ZEB1: variants seen among roughly 807,000 people sequenced by gnomAD.
The protein encoded by ZEB1 is zinc finger E-box-binding homeobox 1.
A neutral mutation model predicts 84.9 loss-of-function variants in ZEB1; 21 were observed. The ratio of observed to expected loss-of-function variants is 0.25; its 90% confidence interval spans 0.18 to 0.36. ZEB1 has a LOEUF of 0.36. Ranked by LOEUF, ZEB1 falls within the 10% of genes least tolerant of loss-of-function variation. The probability of loss-of-function intolerance (pLI) is 1.00; values close to 1 mark genes in which losing one functional copy is unlikely to be tolerated. For missense variants in ZEB1, 1,104 were observed against 1,330.2 expected, an observed-to-expected ratio of 0.83 and a Z score of 2.65; for synonymous variants, 420 against 471.1, an observed-to-expected ratio of 0.89 and a Z score of 1.41.
chr10:31,448,894 G>T (rs895594884), intron 1 of ZEB1, among the ~76,000 whole-genome samples: 8 of 152,336 alleles, frequency 5.3e-5, no homozygotes, highest in African/African-American at 1.9e-4. Flanking sequence ...CCCAGAGGTG[G>T]AGCCTACAGA....
At chr10:31,460,192 A>G (rs867684911) in intron 1 of ZEB1, among the ~76,000 whole-genome samples, 7 of 152,058 alleles carry the variant, frequency 4.6e-5, no homozygotes, top group African/African-American at 1.4e-4. Flanking sequence ...TATTTTATAG[A>G]ATTTTATTCT....
At chr10:31,474,403 C>T (rs1405925132) in intron 2 of ZEB1, among the ~76,000 whole-genome samples, 2 of 152,062 alleles carry the variant, frequency 1.3e-5, no homozygotes, top group African/African-American at 4.8e-5. Flanking sequence ...GGGCAAAGGA[C>T]ATGAACAGAC....
At chr10:31,446,411 C>G (rs927569048) in intron 1 of ZEB1, among the ~76,000 whole-genome samples, 3 of 151,552 alleles carry the variant, frequency 2.0e-5, no homozygotes, top group Non-Finnish European at 2.9e-5. Context: ...TCTCTATTTC[C>G]TTCAGTTCTG....
intron 1 of ZEB1, among the ~76,000 whole-genome samples, chr10:31,440,395 T>G (rs868388797): frequency 3.9e-5 from 6 of 152,186 alleles, no homozygotes; most frequent in Admixed American, 1.3e-4. Flanking sequence ...TAGGTATTGA[T>G]GGGACGTATC....
intron 2 of ZEB1, among the ~76,000 whole-genome samples, chr10:31,461,866 A>G (rs749854624): frequency 2.0e-5 from 3 of 152,094 alleles, no homozygotes; most frequent in Non-Finnish European, 4.4e-5. Flanking sequence ...TAGCTCTAAA[A>G]TTTCTTCTTT....
intron 1 of ZEB1, among the ~76,000 whole-genome samples, chr10:31,330,919 A>G (rs1050953543): frequency 2.6e-5 from 4 of 151,702 alleles, no homozygotes; most frequent in Non-Finnish European, 5.9e-5. Flanking sequence ...GTTTTTACAG[A>G]TCTCGCTTTT....
At chr10:31,390,540 G>A (rs947871474) in intron 1 of ZEB1, among the ~76,000 whole-genome samples, 1 of 152,146 alleles carries the variant, frequency 6.6e-6, no homozygotes, top group Non-Finnish European at 1.5e-5. Context: ...TTTATAAAAT[G>A]TAGATCATCT....
intron 1 of ZEB1, among the ~76,000 whole-genome samples, chr10:31,333,070 C>T (rs2037145842): frequency 6.6e-6 from 1 of 152,100 alleles, no homozygotes. Context: ...TCATCTTCCT[C>T]TTGCTAATAG....
chr10:31,387,118 C>T (rs765886083), intron 1 of ZEB1: 78 of 985,600 alleles, frequency 7.9e-5, no homozygotes, highest in Non-Finnish European at 9.0e-5. Context: ...TTCTCTCCTC[C>T]CTTAGGACAA....
chr10:31,442,857 C>T (rs921638380), intron 1 of ZEB1, among the ~76,000 whole-genome samples: 2 of 152,172 alleles, frequency 1.3e-5, no homozygotes, highest in Non-Finnish European at 2.9e-5. Flanking sequence ...TAGCAGTGCT[C>T]ACAGTCATGA....
intron 2 of ZEB1, among the ~76,000 whole-genome samples, chr10:31,490,855 C>T (rs1358119067): frequency 1.3e-5 from 2 of 151,676 alleles, no homozygotes; most frequent in African/African-American, 2.4e-5. Context: ...ATATTTTTTG[C>T]TTAACAGGCA....
Position 31,520,079 on chromosome 10 carries a change from T to C in ZEB1, c.794-47T>C. 1 of 1,597,352 alleles carries C rather than the reference T, an allele frequency of 6.3e-7. No homozygotes were observed. The highest frequency in any genetic ancestry group is 8.5e-7 in the Non-Finnish European group (1 of 1,173,706). Reference sequence around the variant, plus strand: ...AGGGAAATGAGGATACATAAAAATTTATATGTAATAATTCAGTGAATATAA... The same window carrying C: ...AGGGAAATGAGGATACATAAAAATTCATATGTAATAATTCAGTGAATATAA... On this transcript the variant is annotated intron_variant, in intron 6 of 8. Coordinates refer to ENST00000424869, the MANE Select transcript of ZEB1 (RefSeq NM_001174096.2). The surrounding 1 kb of genome is among the most constrained non-coding windows in gnomAD (Gnocchi z 5.1).
At chr10:31,459,836 T>A (rs1300250202) in intron 1 of ZEB1, among the ~76,000 whole-genome samples, 1 of 71,978 alleles carries the variant, frequency 1.4e-5, no homozygotes, top group Non-Finnish European at 2.5e-5. Context: ...CAGGAGTGTG[T>A]GTGTGTGTGT....
At chr10:31,372,667 G>A (rs948496553) in intron 1 of ZEB1, among the ~76,000 whole-genome samples, 1 of 152,040 alleles carries the variant, frequency 6.6e-6, no homozygotes, top group African/African-American at 2.4e-5. Flanking sequence ...TACTGTCAGA[G>A]TGTTTCCAGA....
chr10:31,492,338 T>A (rs1449866990), intron 2 of ZEB1, among the ~76,000 whole-genome samples: 4 of 152,074 alleles, frequency 2.6e-5, no homozygotes, highest in African/African-American at 9.6e-5. Flanking sequence ...TACTTTATTA[T>A]AAAATGGGCT....
chr10:31,450,260 C>T (rs1039347093), intron 1 of ZEB1, among the ~76,000 whole-genome samples: 2 of 152,134 alleles, frequency 1.3e-5, no homozygotes, highest in African/African-American at 2.4e-5. Flanking sequence ...TGCTAGTTTT[C>T]TTCATGTAGG....
rs1244322189 is a variant in ZEB1, at chr10:31,361,045, C to G, written c.58+41753C>G. ...TTACCATCTTATTTTGGAAGGGATTCTGATACTCTGGATAATCAGACTTCT... is the reference window on the plus strand; with the variant it reads ...TTACCATCTTATTTTGGAAGGGATTGTGATACTCTGGATAATCAGACTTCT... On this transcript the variant is annotated intron_variant, in intron 1 of 8. Transcript: ENST00000424869. 2.5e-6 allele frequency: 4 copies of G among 1,610,958 alleles called. No homozygotes were observed. The East Asian group carries it at 8.9e-5, about 36-fold the overall frequency.
At chr10:31,429,571 T>C (rs2057415552) in intron 1 of ZEB1, among the ~76,000 whole-genome samples, 2 of 151,768 alleles carry the variant, frequency 1.3e-5, no homozygotes, top group African/African-American at 4.8e-5. Flanking sequence ...AAGAAATAAC[T>C]AATGGGTACT....
intron 1 of ZEB1, among the ~76,000 whole-genome samples, chr10:31,333,677 G>A (rs944434205): frequency 1.3e-5 from 2 of 151,846 alleles, no homozygotes; most frequent in Non-Finnish European, 2.9e-5. Context: ...AAGACAAGTA[G>A]CACAAAAGTA....
Sources: gnomAD v4.1 joint callset for allele counts (sites outside exome capture counted in the v4.1 genomes callset) on GRCh38, gnomAD v4.1.1 for gene constraint, Gnocchi (gnomAD v3.1) non-coding constraint, MANE v1.5 for transcripts, NCBI Gene and HGNC (gene_info 2026-07-23, HGNC 2026-07-21) for gene names.